Variants in ZFAND3 observed in about 807,000 individuals in gnomAD.
The protein encoded by ZFAND3 is zinc finger AN1-type containing 3, also known as AN1-type zinc finger protein 3.
ZFAND3 carries 10 observed loss-of-function variants against 29.6 expected under a neutral mutation model. The ratio of observed to expected loss-of-function variants is 0.34; its 90% CI spans 0.21 to 0.57. ZFAND3 has a LOEUF of 0.57. Among genes scored for constraint, ZFAND3 ranks in the 20% least tolerant of loss-of-function variants. The pLI is 0.86. For missense variants in ZFAND3, 230 were observed against 304.5 expected (o/e 0.76, Z 1.82); for synonymous variants, 128 against 112.6 (o/e 1.14, Z -0.87).
chr6:37,934,577 A>T (rs1364489407), intron 2 of ZFAND3, among the ~76,000 whole-genome samples: 1 of 151,154 alleles, frequency 6.6e-6, no homozygotes, highest in Non-Finnish European at 1.5e-5. Context: ...CACGCCTGTA[A>T]TCCCAGGACT....
chr6:37,873,935 TA>T (rs1165790372), intron 1 of ZFAND3, among the ~76,000 whole-genome samples: 2 of 152,200 alleles, frequency 1.3e-5, no homozygotes, highest in African/African-American at 2.4e-5. Flanking sequence ...CAGAATAACA[TA>T]TTTTTTTTAA....
intron 1 of ZFAND3, among the ~76,000 whole-genome samples, chr6:37,849,799 TC>T (rs1471530014): frequency 6.6e-6 from 1 of 152,186 alleles, no homozygotes; most frequent in Admixed American, 6.5e-5. Flanking sequence ...CAGATGGACT[TC>T]CTAGAACTTG....
At chr6:37,925,038 G>C (rs1240385524) in intron 1 of ZFAND3, among the ~76,000 whole-genome samples, 2 of 151,928 alleles carry the variant, frequency 1.3e-5, no homozygotes, top group Admixed American at 6.6e-5. Flanking sequence ...AGCAAGAGGG[G>C]AAGTAGGCAT....
Position 37,819,907 on chromosome 6 carries a change from C to T in ZFAND3, c.-39C>T. 1 of 1,193,608 alleles carries T rather than the reference C, an allele frequency of 8.4e-7. No individual in the cohort carries two copies. Among genetic ancestry groups the T allele is most frequent in the Non-Finnish European group, 1.0e-6 (1 of 964,792 alleles). The allele number at this position is 1,193,608 out of a possible 1,614,324, so 73.9% of individuals were successfully genotyped here. A position where few individuals can be genotyped will look rare whatever the true frequency, so the allele number is the denominator to read the frequency against. ...AGCGGGGCCCGGGCCCAGCCGCCGC[C>T]ACCGCTGCCGCCGCCGAGCTCCGCC... On this transcript the variant is annotated 5_prime_UTR_variant, in exon 1 of 6. Coordinates refer to ENST00000287218, the MANE Select transcript of ZFAND3 (RefSeq NM_021943.3).
chr6:38,097,300 T>C (rs992508049), intron 4 of ZFAND3, among the ~76,000 whole-genome samples: 2 of 151,010 alleles, frequency 1.3e-5, no homozygotes, highest in Admixed American at 1.3e-4. Flanking sequence ...TTGTCCAGGT[T>C]GGTCTTGAAC....
chr6:37,874,420 CAGG>C (rs1239881021), intron 1 of ZFAND3, among the ~76,000 whole-genome samples: 1 of 145,678 alleles, frequency 6.9e-6, no homozygotes, highest in Non-Finnish European at 1.5e-5. Context: ...GAGGCTGAGG[CAGG>C]AGAATCACTT....
At chr6:38,053,829 AC>A (rs1764079999) in intron 2 of ZFAND3, among the ~76,000 whole-genome samples, 1 of 152,206 alleles carries the variant, frequency 6.6e-6, no homozygotes, top group Admixed American at 6.5e-5. Context: ...TTTGGGGGAT[AC>A]AAAATTAAGA....
intron 2 of ZFAND3, among the ~76,000 whole-genome samples, chr6:37,987,949 A>G (rs886904733): frequency 7.9e-5 from 12 of 152,220 alleles, no homozygotes; most frequent in African/African-American, 2.9e-4. Flanking sequence ...CCGGGAATAA[A>G]TTCTGAGTTT....
chr6:38,069,424 T>A (rs1003192109), intron 3 of ZFAND3, among the ~76,000 whole-genome samples: 1 of 152,106 alleles, frequency 6.6e-6, no homozygotes, highest in Non-Finnish European at 1.5e-5. Context: ...ACAGATGGAG[T>A]TTTTCCGATA....
Position 38,013,964 on chromosome 6 carries a change from A to G in ZFAND3, c.113-47629A>G, listed in dbSNP as rs369821960. On this transcript the variant is annotated intron_variant, in intron 2 of 5. Coordinates refer to ENST00000287218, the MANE Select transcript of ZFAND3 (RefSeq NM_021943.3). The stretch of plus-strand genomic sequence containing the variant: ...GGGGAAAATACTTTTCTCAAGCCAG[A>G]TGCAAGAGGTTTTGATGGCATAAGA... Among the ~76,000 whole-genome samples, 7 of 152,342 alleles carry G rather than the reference A, an allele frequency of 4.6e-5. No individual in the cohort carries two copies. In the South Asian group the frequency reaches 1.0e-3, roughly 23 times the overall value.
intron 1 of ZFAND3, among the ~76,000 whole-genome samples, chr6:37,877,102 G>A (rs747583440): frequency 2.0e-5 from 3 of 152,148 alleles, no homozygotes; most frequent in Admixed American, 6.5e-5. Context: ...TTACACACAC[G>A]TGCATGCGAC....
chr6:37,825,653 C>T (rs1175986678), intron 1 of ZFAND3, among the ~76,000 whole-genome samples: 1 of 152,134 alleles, frequency 6.6e-6, no homozygotes, highest in East Asian at 1.9e-4. Flanking sequence ...CCGTCTCCCA[C>T]TCTTCCAAAA....
At chr6:38,077,911 G>T (rs1203412326) in intron 3 of ZFAND3, among the ~76,000 whole-genome samples, 3 of 152,174 alleles carry the variant, frequency 2.0e-5, no homozygotes, top group Non-Finnish European at 4.4e-5. Flanking sequence ...TGAGTAGGTA[G>T]CCCTGGGTTT....
intron 1 of ZFAND3, among the ~76,000 whole-genome samples, chr6:37,834,994 A>G (rs1763940983): frequency 6.6e-6 from 1 of 152,122 alleles, no homozygotes; most frequent in Admixed American, 6.5e-5. Context: ...TGGTTGTATA[A>G]AGTTATTGCA....
At chr6:38,019,761 CCAGGCTGTAGTA>C (rs1237232883) in intron 2 of ZFAND3, among the ~76,000 whole-genome samples, 1 of 152,126 alleles carries the variant, frequency 6.6e-6, no homozygotes, top group East Asian at 1.9e-4. Flanking sequence ...ACTCTGTTGC[CCAGGCTGTAGTA>C]CAGTGTGGCA....
At chr6:37,980,606 C>T (rs149020400) in intron 2 of ZFAND3, among the ~76,000 whole-genome samples, 1 of 152,298 alleles carries the variant, frequency 6.6e-6, no homozygotes, top group East Asian at 1.9e-4. Context: ...CCACCTCCTG[C>T]ACAATACATC....
intron 2 of ZFAND3, among the ~76,000 whole-genome samples, chr6:37,942,044 G>A (rs1055063097): frequency 2.6e-5 from 4 of 152,124 alleles, no homozygotes; most frequent in African/African-American, 4.8e-5. Flanking sequence ...TTTCGATGCC[G>A]TTTGTTTCAT....
chr6:37,948,407 G>T (rs1761938449), intron 2 of ZFAND3, among the ~76,000 whole-genome samples: 1 of 152,142 alleles, frequency 6.6e-6, no homozygotes, highest in Admixed American at 6.5e-5. Flanking sequence ...ATTTAGCCAT[G>T]CTAGTTTTCT....
At chr6:38,128,333 T>C (rs1377836903) in intron 5 of ZFAND3, among the ~76,000 whole-genome samples, 1 of 152,190 alleles carries the variant, frequency 6.6e-6, no homozygotes, top group Non-Finnish European at 1.5e-5. Flanking sequence ...TTCCCCTCTT[T>C]TAAAATTTTT....
Sources: gnomAD v4.1 joint callset for allele counts (sites outside exome capture counted in the v4.1 genomes callset) on GRCh38, gnomAD v4.1.1 for gene constraint, MANE v1.5 for transcripts, NCBI Gene and HGNC (gene_info 2026-07-23, HGNC 2026-07-21) for gene names.